Variants in RBFOX1 observed in about 807,000 individuals in gnomAD.
RBFOX1 encodes RNA binding fox-1 homolog 1, also known as RNA binding protein fox-1 homolog 1.
A neutral mutation model predicts 57.7 loss-of-function variants in RBFOX1; 8 were observed. That is an observed-to-expected ratio of 0.14 (90% CI 0.08 to 0.25). RBFOX1 has a LOEUF of 0.25. Ranked by LOEUF, RBFOX1 falls within the 10% of genes least tolerant of loss-of-function variation. The probability of loss-of-function intolerance (pLI) is 1.00; values close to 1 mark genes in which losing one functional copy is unlikely to be tolerated. For missense variants in RBFOX1, 611 were observed against 548.5 expected (o/e 1.11, Z -1.14); for synonymous variants, 326 against 222.4 (o/e 1.47, Z -4.15).
At chr16:6,292,239 A>G (rs1366743784) in intron 1 of RBFOX1, among the ~76,000 whole-genome samples, 4 of 152,144 alleles carry the variant, frequency 2.6e-5, no homozygotes, top group Admixed American at 1.3e-4. Flanking sequence ...TAGCCTGGGT[A>G]AGAAAGTGAG....
chr16:5,823,496 C>T (rs2055928018), intron 3 of RBFOX1, among the ~76,000 whole-genome samples: 1 of 152,104 alleles, frequency 6.6e-6, no homozygotes. Flanking sequence ...CTGGGGTCCC[C>T]AAACCCCAGG....
intron 3 of RBFOX1, among the ~76,000 whole-genome samples, chr16:6,847,884 C>G (rs1161118927): frequency 1.3e-5 from 2 of 152,038 alleles, no homozygotes; most frequent in Non-Finnish European, 2.9e-5. Context: ...GTCAGTCAGG[C>G]TGGAGAGTAC....
At chr16:7,425,458 G>A (rs1001105607) in intron 4 of RBFOX1, among the ~76,000 whole-genome samples, 10 of 152,100 alleles carry the variant, frequency 6.6e-5, no homozygotes, top group Admixed American at 5.2e-4. Flanking sequence ...TTCAAAGGAT[G>A]GAAACCCTTC....
At chr16:6,825,830 C>A (rs567375619) in intron 3 of RBFOX1, among the ~76,000 whole-genome samples, 1 of 152,174 alleles carries the variant, frequency 6.6e-6, no homozygotes, top group Non-Finnish European at 1.5e-5. Context: ...CAGGAACTTG[C>A]ATCTTCCATC....
chr16:5,799,218 T>A (rs1370483129), intron 3 of RBFOX1, among the ~76,000 whole-genome samples: 1 of 152,042 alleles, frequency 6.6e-6, no homozygotes, highest in East Asian at 1.9e-4. Flanking sequence ...TGAGACTTAT[T>A]CATTACCATA....
intron 4 of RBFOX1, among the ~76,000 whole-genome samples, chr16:5,961,300 A>G (rs1371967673): frequency 6.6e-6 from 1 of 152,168 alleles, no homozygotes; most frequent in East Asian, 1.9e-4. Flanking sequence ...TTAGGTAAGT[A>G]CTACTTATCA....
chr16:5,662,386 C>G (rs2049683853), intron 3 of RBFOX1, among the ~76,000 whole-genome samples: 1 of 152,058 alleles, frequency 6.6e-6, no homozygotes, highest in Non-Finnish European at 1.5e-5. Context: ...GTTACCTGAC[C>G]ACATAATCTA....
chr16:7,425,985 A>G (rs1365233558), intron 4 of RBFOX1, among the ~76,000 whole-genome samples: 2 of 152,222 alleles, frequency 1.3e-5, no homozygotes, highest in Non-Finnish European at 2.9e-5. Flanking sequence ...TTGTTTATAC[A>G]CATTGGTGTT....
At chr16:6,513,044 C>T (rs1460132634) in intron 2 of RBFOX1, among the ~76,000 whole-genome samples, 2 of 152,178 alleles carry the variant, frequency 1.3e-5, no homozygotes, top group Non-Finnish European at 2.9e-5. Flanking sequence ...TACAAAATAG[C>T]ACATCAATCA....
chr16:7,180,425 T>A (rs2082472606), intron 4 of RBFOX1, among the ~76,000 whole-genome samples: 4 of 152,174 alleles, frequency 2.6e-5, no homozygotes, highest in Admixed American at 2.6e-4. Context: ...TGTCATCAGA[T>A]GCCGGGCAAG....
At chr16:7,318,737 T>C (rs2096490442) in intron 4 of RBFOX1, among the ~76,000 whole-genome samples, 1 of 152,192 alleles carries the variant, frequency 6.6e-6, no homozygotes, top group Non-Finnish European at 1.5e-5. Flanking sequence ...TTGCTTTTTA[T>C]AGCAGGCTGA....
At chr16:6,891,770 T>C (rs527952583) in intron 3 of RBFOX1, among the ~76,000 whole-genome samples, 96 of 152,308 alleles carry the variant, frequency 6.3e-4, no homozygotes, top group Admixed American at 2.1e-3. Flanking sequence ...ATCCAATGTC[T>C]CATCAAATTC....
intron 1 of RBFOX1, among the ~76,000 whole-genome samples, chr16:5,429,479 C>G (rs913456533): frequency 2.0e-5 from 3 of 152,196 alleles, no homozygotes; most frequent in Non-Finnish European, 2.9e-5. Flanking sequence ...TCTCAAGCAT[C>G]TGATTGATTT....
rs149481106 is a variant in RBFOX1 at position 7,052,447 on chromosome 16, A to T, written c.27+349A>T. ...GGCTGGCTGCCTTCTTAATATGAAT[A>T]CCAGGCTGTTTGCTGAGTGGCTAAA... On this transcript the variant is annotated intron_variant, in intron 4 of 15. Transcript: ENST00000550418. Among the ~76,000 whole-genome samples, 1,008 of 152,328 alleles carry T rather than the reference A, an allele frequency of 6.6e-3. 13 individuals carry two copies. Among genetic ancestry groups the T allele is most frequent in the African/African-American group, 0.023 (953 of 41,582 alleles).
chr16:5,823,289 G>C (rs1429808596), intron 3 of RBFOX1, among the ~76,000 whole-genome samples: 1 of 152,132 alleles, frequency 6.6e-6, no homozygotes, highest in African/African-American at 2.4e-5. Flanking sequence ...TGAGATTAGA[G>C]GTTGAGTATG....
chr16:6,586,956 C>T (rs570633339), intron 2 of RBFOX1, among the ~76,000 whole-genome samples: 1 of 152,136 alleles, frequency 6.6e-6, no homozygotes, highest in South Asian at 2.1e-4. Context: ...TTGTGGAATG[C>T]TTAAATTGGG....
chr16:6,008,016 C>T (rs117913220), intron 4 of RBFOX1, among the ~76,000 whole-genome samples: 3,749 of 152,126 alleles, frequency 0.025, 72 homozygotes, highest in Non-Finnish European at 0.04. Flanking sequence ...AGTTTTTCAC[C>T]AACATGTTGA....
chr16:6,478,415 ATATATATATATATATTTTTT>A lies in RBFOX1; in HGVS notation c.-64+161360_-64+161379del, dbSNP rs1458093896. ...TATATATATATATATATATATATAT[ATATATATATATATATTTTTT>A]TTTTTTTTTTTTGTATTTTTAGTAG... is the stretch of plus-strand genomic sequence containing the variant. On this transcript the variant is annotated intron_variant, in intron 2 of 15. Coordinates refer to ENST00000550418, the MANE Select transcript of RBFOX1 (RefSeq NM_018723.4). Among the ~76,000 whole-genome samples, 3 of 22,200 alleles carry A rather than the reference ATATATATATATATATTTTTT, an allele frequency of 1.4e-4. No individual in the cohort carries two copies. In the East Asian group the frequency reaches 2.2e-3, roughly 16 times the overall value. The allele number at this position is 22,200 out of a possible 152,430, so 14.6% of individuals were successfully genotyped here. A position where few individuals can be genotyped will look rare whatever the true frequency, so the allele number is the denominator to read the frequency against.
intron 3 of RBFOX1, among the ~76,000 whole-genome samples, chr16:5,818,998 C>T (rs2055748468): frequency 6.6e-6 from 1 of 152,200 alleles, no homozygotes; most frequent in African/African-American, 2.4e-5. Context: ...ATCTGTCCTT[C>T]TCCTCCTCTG....
Sources: allele counts gnomAD v4.1 joint callset (sites outside exome capture counted in the v4.1 genomes callset), GRCh38; gene constraint gnomAD v4.1.1; transcripts MANE v1.5; gene names NCBI Gene and HGNC (gene_info 2026-07-23, HGNC 2026-07-21).